CSMD1: variants seen among roughly 807,000 people sequenced by gnomAD.
CSMD1 encodes the protein CUB and sushi domain-containing protein 1.
Under a neutral mutation model 417.5 loss-of-function variants are expected in CSMD1, and 213 were observed. That is an observed-to-expected ratio of 0.51 (90% CI 0.46 to 0.57). The LOEUF (loss-of-function observed/expected upper bound fraction) is 0.57, where lower values mean the gene tolerates loss of function less well. CSMD1 is among the 20% of genes least tolerant of loss of function. The pLI, the probability that CSMD1 is intolerant of heterozygous loss-of-function variation, is 0.00. For missense variants in CSMD1, 6,923 were observed against 4,529.7 expected (o/e 1.53, Z -15.17); for synonymous variants, 2,862 against 1,736.8 (o/e 1.65, Z -16.11).
intron 3 of CSMD1, among the ~76,000 whole-genome samples, chr8:4,213,688 C>A (rs1800459423): frequency 6.6e-6 from 1 of 152,148 alleles, no homozygotes; most frequent in African/African-American, 2.4e-5. Flanking sequence ...ATGGGCCCTC[C>A]CTGGTGGGAA....
chr8:4,227,389 A>G (rs1801424296), intron 3 of CSMD1, among the ~76,000 whole-genome samples: 1 of 152,018 alleles, frequency 6.6e-6, no homozygotes, highest in African/African-American at 2.4e-5. Context: ...TATTCTATCC[A>G]CTTATAAGAA....
intron 2 of CSMD1, among the ~76,000 whole-genome samples, chr8:4,584,853 G>C (rs1440189991): frequency 6.6e-6 from 1 of 152,070 alleles, no homozygotes; most frequent in Non-Finnish European, 1.5e-5. Context: ...AAGAAAACCA[G>C]CTTTTATTTA....
chr8:3,420,801 T>A (rs939747740), intron 12 of CSMD1, among the ~76,000 whole-genome samples: 3 of 152,196 alleles, frequency 2.0e-5, no homozygotes, highest in African/African-American at 7.2e-5. Flanking sequence ...TGCGCATGGA[T>A]TGAAAACATT....
intron 2 of CSMD1, among the ~76,000 whole-genome samples, chr8:4,583,819 G>C (rs1027476605): frequency 6.6e-6 from 1 of 152,148 alleles, no homozygotes; most frequent in Non-Finnish European, 1.5e-5. Flanking sequence ...CCAGCCAGCA[G>C]TGGCAACCCA....
rs148021665 is a variant in CSMD1, at chr8:3,893,903, G to A, written c.818+104000C>T. The stretch of plus-strand genomic sequence containing the variant: ...GAGATTTAAGATGTTAATGAGACAT[G>A]CAATTCATGAGCAAGCATGTACAGT... On this transcript the variant is annotated intron_variant, in intron 5 of 69. Coordinates refer to ENST00000635120, the MANE Select transcript of CSMD1 (RefSeq NM_033225.6). 4.0e-3 allele frequency among the ~76,000 whole-genome samples: 613 copies of A among 152,162 alleles called. 2 individuals carry two copies. Among genetic ancestry groups the A allele is most frequent in the South Asian group, 0.01 (48 of 4,790 alleles).
At chr8:3,892,811 G>A (rs1219519473) in intron 5 of CSMD1, among the ~76,000 whole-genome samples, 3 of 148,830 alleles carry the variant, frequency 2.0e-5, no homozygotes, top group Non-Finnish European at 4.4e-5. Context: ...GAACTCAGGT[G>A]AGCCATGACG....
intron 23 of CSMD1, among the ~76,000 whole-genome samples, chr8:3,311,594 T>A (rs749644966): frequency 2.6e-5 from 4 of 152,228 alleles, no homozygotes; most frequent in African/African-American, 4.8e-5. Context: ...AGACGATTTG[T>A]GCTAGTATTG....
At chr8:3,915,405 C>CGGAAA (rs1808748120) in intron 5 of CSMD1, among the ~76,000 whole-genome samples, 1 of 76,294 alleles carries the variant, frequency 1.3e-5, no homozygotes, top group Non-Finnish European at 2.6e-5. Flanking sequence ...GACTCTGTCT[C>CGGAAA]AAAAAAAAAA....
chr8:3,921,349 C>T (rs760260012), intron 5 of CSMD1, among the ~76,000 whole-genome samples: 60 of 151,940 alleles, frequency 3.9e-4, no homozygotes, highest in Non-Finnish European at 6.9e-4. Context: ...CATAAAATTT[C>T]AGTATTTTTC....
At chr8:4,772,553 C>T (rs1435210853) in intron 1 of CSMD1, among the ~76,000 whole-genome samples, 1 of 152,052 alleles carries the variant, frequency 6.6e-6, no homozygotes, top group African/African-American at 2.4e-5. Flanking sequence ...TTAGCAGTCA[C>T]ATATGTCTTA....
intron 3 of CSMD1, among the ~76,000 whole-genome samples, chr8:4,394,084 A>T (rs922772426): frequency 1.3e-5 from 2 of 152,106 alleles, no homozygotes; most frequent in African/African-American, 4.8e-5. Context: ...CAAACTCCTC[A>T]ATCCTCTCAG....
intron 1 of CSMD1, among the ~76,000 whole-genome samples, chr8:4,852,112 C>T (rs182774375): frequency 6.6e-6 from 1 of 152,264 alleles, no homozygotes; most frequent in East Asian, 1.9e-4. Context: ...TGTGAAACTG[C>T]TATTTTCTCC....
At chr8:4,662,769 A>G (rs1804679374) in intron 1 of CSMD1, among the ~76,000 whole-genome samples, 1 of 152,190 alleles carries the variant, frequency 6.6e-6, no homozygotes, top group Non-Finnish European at 1.5e-5. Flanking sequence ...GATGATGCTC[A>G]CATTCCTTTT....
chr8:3,614,274 G>T (rs1352217794), intron 8 of CSMD1, among the ~76,000 whole-genome samples: 1 of 151,994 alleles, frequency 6.6e-6, no homozygotes, highest in Admixed American at 6.6e-5. Flanking sequence ...TCTGAGATAA[G>T]ATTCTACAGA....
intron 3 of CSMD1, among the ~76,000 whole-genome samples, chr8:4,060,332 A>G (rs1398772313): frequency 1.3e-5 from 2 of 152,216 alleles, no homozygotes; most frequent in African/African-American, 2.4e-5. Flanking sequence ...CCCACAGCCG[A>G]TATCATACTG....
intron 6 of CSMD1, among the ~76,000 whole-genome samples, chr8:3,729,958 A>AAAAAAAAAAC (rs1802739883): frequency 8.2e-5 from 1 of 12,124 alleles, no homozygotes; most frequent in African/African-American, 1.4e-4. Context: ...AAAAAAAAAA[A>AAAAAAAAAAC]AAACAAAAAC....
intron 49 of CSMD1, among the ~76,000 whole-genome samples, chr8:3,052,962 A>G (rs1811964753): frequency 1.3e-5 from 2 of 151,768 alleles, no homozygotes; most frequent in Non-Finnish European, 2.9e-5. Flanking sequence ...CTAATTCTCT[A>G]TTTTTAGTAC....
rs1002400052 is a variant in CSMD1, at chr8:3,249,466, C to G, written c.4154-19235G>C. Among the ~76,000 whole-genome samples, 9 of 152,114 alleles carry G rather than the reference C, an allele frequency of 5.9e-5. No homozygotes were observed. The East Asian group carries it at 7.7e-4, about 13-fold the overall frequency. ...CTTGAACTCCTGACCTTGGGTGATC[C>G]GCCCACCTTGGCCTCCCAAAATGCT... On this transcript the variant is annotated intron_variant, in intron 26 of 69. Transcript: ENST00000635120.
chr8:2,995,714 G>T (rs1257676765), intron 54 of CSMD1, among the ~76,000 whole-genome samples: 1 of 152,078 alleles, frequency 6.6e-6, no homozygotes, highest in Non-Finnish European at 1.5e-5. Flanking sequence ...CTACTCCACA[G>T]GAAAAAGGGA....
Sources: allele counts gnomAD v4.1 joint callset (sites outside exome capture counted in the v4.1 genomes callset), GRCh38; gene constraint gnomAD v4.1.1; transcripts MANE v1.5; gene names NCBI Gene and HGNC (gene_info 2026-07-23, HGNC 2026-07-21).